The following RYR1 variants were observed in gnomAD, a reference collection of about 807,000 sequenced individuals.
RYR1 encodes the protein ryanodine receptor 1.
A neutral mutation model predicts 583.5 loss-of-function variants in RYR1; 342 were observed. The ratio of observed to expected loss-of-function variants is 0.59; its 90% CI spans 0.54 to 0.64. The LOEUF is 0.64. RYR1 is among the 30% of genes least tolerant of loss of function. The pLI, the probability that RYR1 is intolerant of heterozygous loss-of-function variation, is 0.00. For synonymous variants in RYR1, 2,791 were observed against 2,822.5 expected, an observed-to-expected ratio of 0.99 and a Z score of 0.35; for missense variants, 6,032 against 6,917.2, an observed-to-expected ratio of 0.87 and a Z score of 4.54.
intron 34 of RYR1, among the ~76,000 whole-genome samples, chr19:38,487,957 T>A (rs1250142434): frequency 6.6e-6 from 1 of 152,164 alleles, no homozygotes; most frequent in Non-Finnish European, 1.5e-5. Flanking sequence ...TTATTATTTT[T>A]AATTTAATTT....
intron 70 of RYR1, 126 bp from the exon 71 acceptor site, chr19:38,525,203 TGTC>T: frequency 2.0e-6 from 2 of 1,009,032 alleles, no homozygotes; most frequent in Non-Finnish European, 1.5e-6. Flanking sequence ...GAAATTGAGG[TGTC>T]GTCGGCAGTT....
chr19:38,554,957 G>C (rs1261142441), intron 89 of RYR1, among the ~76,000 whole-genome samples: 1 of 152,084 alleles, frequency 6.6e-6, no homozygotes, highest in African/African-American at 2.4e-5. Flanking sequence ...CAGTTCAGTG[G>C]TTTATAGTGT....
Position 38,448,512 on chromosome 19 carries a change from GTCAGTGGGGTTTGTGGCGCCCTCCC to G in RYR1, c.957+5_957+29del, listed in dbSNP as rs794726982. 906 of 1,613,974 alleles carry G rather than the reference GTCAGTGGGGTTTGTGGCGCCCTCCC, an allele frequency of 5.6e-4. No homozygotes were observed. The highest frequency in any genetic ancestry group is 7.1e-4 in the Non-Finnish European group (841 of 1,180,018). ...CTCCTTCTGCTTCCGCATCTCCAAG[GTCAGTGGGGTTTGTGGCGCCCTCCC>G]TCACCTGAAGCCCCCAGTCCCAGCC... On this transcript the variant is annotated splice_donor_variant and splice_donor_5th_base_variant and intron_variant, in intron 10 of 105. Transcript: ENST00000359596. LOFTEE classifies it high-confidence loss of function.
Position 38,525,379 on chromosome 19 carries a change from C to G in RYR1, c.10503C>G (p.Asp3501Glu). Residue 3501 changes from aspartate (D) to glutamate (E), a missense_variant, in exon 71 of 106, where the codon GAC becomes GAG. By Grantham distance (45) the Asp-to-Glu change is conservative. Transcript: ENST00000359596. ...GCACCAAGAAGAAGCGCCGGGGGGA[C>G]CGGTACTCTGTGCAGACGTCACTGA... ...QERTKKKRRGDRYSVQTSLIV... is the reference protein window; with the variant it reads ...QERTKKKRRGERYSVQTSLIV... 3.7e-6 allele frequency: 6 copies of G among 1,613,958 alleles called. No individual in the cohort carries two copies. The highest frequency in any genetic ancestry group is 5.1e-6 in the Non-Finnish European group (6 of 1,179,964).
chr19:38,486,197 C>G lies in RYR1; in HGVS notation c.5542C>G (p.Leu1848Val). The G allele has an allele frequency of 6.2e-7, 1 of 1,612,896 alleles. No homozygotes were observed. The highest frequency in any genetic ancestry group is 8.5e-7 in the Non-Finnish European group (1 of 1,179,938). Residue 1848 changes from leucine to valine, a missense_variant, in exon 34 of 106, where the codon CTG (leucine) becomes GTG (valine). Leu to Val is a conservative substitution (Grantham distance 32). Coordinates refer to ENST00000359596, the MANE Select transcript of RYR1 (RefSeq NM_000540.3). ...FVPVLKLVSTLLVMGIFGDED... is the reference protein window; with the variant it reads ...FVPVLKLVSTVLVMGIFGDED... Reference sequence around the variant, plus strand: ...GCCTGTGCTCAAGCTCGTGTCCACCCTGCTGGTAATGGCTTCCTCCTGCTT... The same window carrying G: ...GCCTGTGCTCAAGCTCGTGTCCACCGTGCTGGTAATGGCTTCCTCCTGCTT...
chr19:38,496,487 C>T lies in RYR1; in HGVS notation c.6742C>T (p.Arg2248Cys), dbSNP rs763352221. ...YFCRISRQNQ[R>C]SMFDHLSYLL... The stretch of plus-strand genomic sequence containing the variant: ...CTGCCGAATCAGCCGGCAGAACCAG[C>T]GCTCCATGTTTGACCACCTGAGCTA... The change falls in exon 41 of 106, where the codon CGC becomes TGC. Residue 2248 changes from arginine to cysteine, a missense_variant. Arg to Cys is a radical substitution (Grantham distance 180). This residue lies in a region of RYR1 where 2,627 missense variants were observed against 2,961.3 expected (regional missense o/e 0.89). Coordinates refer to ENST00000359596, the MANE Select transcript of RYR1 (RefSeq NM_000540.3). This position sits in a 1 kb window ranked among gnomAD's most constrained non-coding sequence, Gnocchi z 4.8. 3.9e-5 allele frequency: 63 copies of T among 1,613,586 alleles called. No individual in the cohort carries two copies. The highest frequency in any genetic ancestry group is 1.6e-4 in the Middle Eastern group (1 of 6,084).
chr19:38,443,598 A>G lies in RYR1; in HGVS notation c.311A>G (p.His104Arg), dbSNP rs770495610. The change falls in exon 4 of 106, where the codon CAT becomes CGT. Residue 104 changes from histidine to arginine, a missense_variant. Transcript: ENST00000359596. Reference protein sequence around the residue: ...GGGHRTLLYGHAILLRHAHSR... With the variant: ...GGGHRTLLYGRAILLRHAHSR... Reference sequence around the variant, plus strand: ...GGACACAGGACGCTCCTGTATGGCCATGCCATCCTGCTCCGGCATGCACAC... The same window carrying G: ...GGACACAGGACGCTCCTGTATGGCCGTGCCATCCTGCTCCGGCATGCACAC... The G allele has an allele frequency of 3.7e-6, 6 of 1,613,920 alleles. No individual in the cohort carries two copies. In the African/African-American group the frequency reaches 8.0e-5, roughly 22 times the overall value.
At chr19:38,570,400 C>T (rs184730863) in intron 93 of RYR1, among the ~76,000 whole-genome samples, 7 of 152,200 alleles carry the variant, frequency 4.6e-5, no homozygotes, top group Admixed American at 6.5e-5. Flanking sequence ...TGCAGTGAGC[C>T]AAGATCGCAC....
At chr19:38,490,831 G>T in intron 37 of RYR1, 99 bp downstream of exon 37, 1 of 775,046 alleles carries the variant, frequency 1.3e-6, no homozygotes, top group East Asian at 2.6e-5. Context: ...CTACAGTATC[G>T]GTGCTATGTA....
Position 38,490,252 on chromosome 19 carries a change from G to T in RYR1, c.5991G>T (p.Glu1997Asp). ...TAAETARRTR[E>D]FRSPPQEQIN... The stretch of plus-strand genomic sequence containing the variant: ...CAGAGACTGCAAGACGTACCCGCGA[G>T]TTCCGCTCCCCACCCCAGGAACAGG... The change falls in exon 36 of 106, where the codon GAG (glutamate) becomes GAT (aspartate). Residue 1997 changes from glutamate (E) to aspartate (D), a missense_variant. Coordinates refer to ENST00000359596, the MANE Select transcript of RYR1 (RefSeq NM_000540.3). 1 of 1,614,078 alleles carries T rather than the reference G, an allele frequency of 6.2e-7. No individual in the cohort carries two copies.
At chr19:38,569,896 G>T (rs183543221) in intron 93 of RYR1, among the ~76,000 whole-genome samples, 71 of 152,302 alleles carry the variant, frequency 4.7e-4, no homozygotes, top group African/African-American at 1.6e-3. Context: ...AGCCGAGGTG[G>T]CTCACACCTA....
chr19:38,505,441 C>T, intron 53 of RYR1, 43 bp downstream of exon 53: 1 of 1,395,820 alleles, frequency 7.2e-7, no homozygotes, highest in Non-Finnish European at 1.0e-6. Context: ...CAAAATGAAA[C>T]CCCCAAATTT....
intron 89 of RYR1, among the ~76,000 whole-genome samples, chr19:38,557,609 G>A (rs756898655): frequency 1.3e-5 from 2 of 152,182 alleles, no homozygotes; most frequent in African/African-American, 4.8e-5. Context: ...GAGCAGCCTG[G>A]GCAACATGGC....
rs1030407042 is a variant in RYR1 at position 38,474,249 on chromosome 19, A to G, written c.4160+478A>G. ...AAATCTGCTTTTTCCCTACAATGGC[A>G]GTGGTTTCCTTTTTTTCTTTCTATC... is the stretch of plus-strand genomic sequence containing the variant. On this transcript the variant is annotated intron_variant, in intron 28 of 105. Transcript: ENST00000359596. 5.9e-5 allele frequency among the ~76,000 whole-genome samples: 9 copies of G among 151,994 alleles called. No individual in the cohort carries two copies. The South Asian group carries it at 6.2e-4, about 11-fold the overall frequency.
intron 9 of RYR1, among the ~76,000 whole-genome samples, chr19:38,447,526 G>A (rs1238591783): frequency 6.6e-6 from 1 of 151,114 alleles, no homozygotes; most frequent in Admixed American, 6.6e-5. Context: ...GGGCGACAGA[G>A]CGAGACTCCA....
At chr19:38,583,023 G>A (rs1158067345) in intron 101 of RYR1, among the ~76,000 whole-genome samples, 3 of 152,268 alleles carry the variant, frequency 2.0e-5, no homozygotes, top group Admixed American at 6.6e-5. Flanking sequence ...TATGCCGGGC[G>A]CTGTGGCTCA....
At chr19:38,497,268 G>A (rs368875648) in intron 42 of RYR1, among the ~76,000 whole-genome samples, 5 of 150,426 alleles carry the variant, frequency 3.3e-5, no homozygotes, top group Admixed American at 6.6e-5. Context: ...CTACACTTCC[G>A]GGCTGGGGGC....
In RYR1 at chr19:38,444,440, T is replaced by C. The variant is rs1295217627; in HGVS notation, c.538-144T>C. The C allele has an allele frequency of 1.2e-6, 1 of 859,058 alleles. No individual in the cohort carries two copies. Among genetic ancestry groups the C allele is most frequent in the Admixed American group, 2.0e-5 (1 of 50,002 alleles). 53.2% of individuals were successfully genotyped at this position (859,058 alleles called of 1,614,324 possible). On this transcript the variant is annotated intron_variant, in intron 6 of 105. Transcript: ENST00000359596. The surrounding 1 kb of genome is among the most constrained non-coding windows in gnomAD (Gnocchi z 5.1). ...TCTGACCTCCCATTGCCCGACTTGA[T>C]CATTTCCTGATCTGTGATCTCTGAT...
chr19:38,569,667 G>A (rs891997270), intron 93 of RYR1, among the ~76,000 whole-genome samples: 1 of 152,162 alleles, frequency 6.6e-6, no homozygotes, highest in South Asian at 2.1e-4. Flanking sequence ...TCTGGAGGCT[G>A]ACTGCCCGGG....
Sources: gnomAD v4.1 joint callset for allele counts (sites outside exome capture counted in the v4.1 genomes callset) on GRCh38, gnomAD v4.1.1 for gene constraint, gnomAD v4.1.1 regional missense constraint, Gnocchi (gnomAD v3.1) non-coding constraint, MANE v1.5 for transcripts, NCBI Gene and HGNC (gene_info 2026-07-23, HGNC 2026-07-21) for gene names.